The following USP10 variants were observed in gnomAD, a reference collection of about 807,000 sequenced individuals.
USP10 encodes the protein ubiquitin carboxyl-terminal hydrolase 10.
Under a neutral mutation model 84.5 loss-of-function variants are expected in USP10, and 22 were observed. The ratio of observed to expected loss-of-function variants is 0.26; its 90% CI spans 0.19 to 0.37. The LOEUF is 0.37. USP10 is among the 10% of genes least tolerant of loss of function. The pLI is 1.00. For missense variants in USP10, 1,019 were observed against 998.9 expected, an observed-to-expected ratio of 1.02 and a Z score of -0.27; for synonymous variants, 454 against 387.6, an observed-to-expected ratio of 1.17 and a Z score of -2.01.
chr16:84,767,513 C>T (rs1437189172), intron 10 of USP10, among the ~76,000 whole-genome samples: 1 of 152,066 alleles, frequency 6.6e-6, no homozygotes, highest in Non-Finnish European at 1.5e-5. Context: ...ATTAAAAATC[C>T]TCTATTTACC....
chr16:84,768,280 A>T lies in USP10; in HGVS notation c.1920A>T (p.Ile640=), dbSNP rs1914074122. The T allele has an allele frequency of 1.9e-6, 3 of 1,608,306 alleles. No homozygotes were observed. The highest frequency in any genetic ancestry group is 1.7e-6 in the Non-Finnish European group (2 of 1,177,142). ...TLQLDIQSDK[I]RTVQDALESL... Reference sequence around the variant, plus strand: ...AGTTGGATATCCAGTCAGACAAGATACGCACAGTCCAGGATGCACTGGAGA... The same window carrying T: ...AGTTGGATATCCAGTCAGACAAGATTCGCACAGTCCAGGATGCACTGGAGA... The change falls in exon 11 of 14, where the codon ATA becomes ATT. Residue 640 remains isoleucine, a synonymous_variant. Transcript: ENST00000219473.
intron 4 of USP10, among the ~76,000 whole-genome samples, chr16:84,755,292 G>A (rs774819012): frequency 1.3e-5 from 2 of 151,398 alleles, no homozygotes; most frequent in African/African-American, 2.4e-5. Flanking sequence ...CTTCCGTATC[G>A]TCAAGAAAAC....
At chr16:84,745,776 G>A (rs1911160504) in intron 4 of USP10, 103 bp downstream of exon 4, 4 of 1,220,180 alleles carry the variant, frequency 3.3e-6, no homozygotes, top group African/African-American at 1.5e-5. Context: ...GATTACCTGT[G>A]TGTTAATAGC....
intron 12 of USP10, 102 bp downstream of exon 12, chr16:84,772,787 T>C: frequency 1.4e-6 from 2 of 1,430,192 alleles, no homozygotes; most frequent in Non-Finnish European, 1.9e-6. Flanking sequence ...GTGAGGACAT[T>C]CTCTTGCTGG....
At chr16:84,747,686 C>T (rs1911405202) in intron 4 of USP10, among the ~76,000 whole-genome samples, 1 of 151,420 alleles carries the variant, frequency 6.6e-6, no homozygotes, top group African/African-American at 2.4e-5. Flanking sequence ...GCCTCGGCCT[C>T]CCAAGTAGCT....
At chr16:84,701,056 T>C (rs1453660238) in intron 1 of USP10, among the ~76,000 whole-genome samples, 1 of 152,218 alleles carries the variant, frequency 6.6e-6, no homozygotes, top group South Asian at 2.1e-4. Context: ...TGTGTATTTG[T>C]ATTAAATATG....
At chr16:84,727,657 T>C (rs1490585835) in intron 1 of USP10, among the ~76,000 whole-genome samples, 2 of 152,214 alleles carry the variant, frequency 1.3e-5, no homozygotes, top group East Asian at 3.8e-4. Flanking sequence ...TACACACTCA[T>C]ACGGATACAC....
At chr16:84,737,703 G>GCACTGT (rs1456461453) in intron 2 of USP10, among the ~76,000 whole-genome samples, 1 of 152,214 alleles carries the variant, frequency 6.6e-6, no homozygotes, top group Non-Finnish European at 1.5e-5. Context: ...TCACCTGCTG[G>GCACTGT]CACTGTCACC....
chr16:84,775,088 T>G, intron 12 of USP10, 72 bp from the exon 13 acceptor site: 1 of 1,328,518 alleles, frequency 7.5e-7, no homozygotes, highest in South Asian at 1.2e-5. Context: ...AGAATGTTGT[T>G]AGCCATTTTC....
At chr16:84,723,879 T>A (rs1381084984) in intron 1 of USP10, among the ~76,000 whole-genome samples, 1 of 152,220 alleles carries the variant, frequency 6.6e-6, no homozygotes, top group Non-Finnish European at 1.5e-5. Flanking sequence ...CCTTGCAGCC[T>A]CTTCTTTTGT....
intron 1 of USP10, among the ~76,000 whole-genome samples, chr16:84,717,226 A>T (rs951560205): frequency 6.6e-6 from 1 of 152,112 alleles, no homozygotes; most frequent in Admixed American, 6.5e-5. Context: ...AATCATACGC[A>T]GAAATGTGTG....
At chr16:84,771,521 C>T (rs1190973953) in intron 11 of USP10, among the ~76,000 whole-genome samples, 2 of 152,060 alleles carry the variant, frequency 1.3e-5, no homozygotes, top group African/African-American at 4.8e-5. Context: ...CAAAAAAACC[C>T]ACCTAATCCT....
At chr16:84,764,939 A>AAAAAAAAATATATATAT (rs370383030) in intron 10 of USP10, among the ~76,000 whole-genome samples, 1 of 132,256 alleles carries the variant, frequency 7.6e-6, no homozygotes, top group East Asian at 2.4e-4. Context: ...GAGAAAAAAA[A>AAAAAAAAATATATATAT]ATATATATAT....
rs189533036 is a variant in USP10, at chr16:84,763,950, C to A, written c.1655-136C>A. Reference sequence around the variant, plus strand: ...GGATCCAGTGACGTTGCTCCTGTTGCGATTGGTTGCCGTGGCTCCTAATGT... The same window carrying A: ...GGATCCAGTGACGTTGCTCCTGTTGAGATTGGTTGCCGTGGCTCCTAATGT... On this transcript the variant is annotated intron_variant, in intron 9 of 13. Transcript: ENST00000219473. 12 of 1,119,856 alleles carry A rather than the reference C, an allele frequency of 1.1e-5. No homozygotes were observed. In the Admixed American group the frequency reaches 3.5e-4, roughly 33 times the overall value. The allele number at this position is 1,119,856 out of a possible 1,614,324, so 69.4% of individuals were successfully genotyped here. A position where few individuals can be genotyped will look rare whatever the true frequency, so the allele number is the denominator to read the frequency against.
At chr16:84,737,288 A>C (rs1910062830) in intron 2 of USP10, among the ~76,000 whole-genome samples, 1 of 152,194 alleles carries the variant, frequency 6.6e-6, no homozygotes, top group Admixed American at 6.5e-5. Flanking sequence ...AATAGATGAC[A>C]GTTTTTTCCC....
At chr16:84,737,272 A>C (rs542710784) in intron 2 of USP10, among the ~76,000 whole-genome samples, 1 of 152,346 alleles carries the variant, frequency 6.6e-6, no homozygotes, top group South Asian at 2.1e-4. Context: ...GTTTAGCATA[A>C]CTATTAATAG....
chr16:84,718,623 G>A (rs961177578), intron 1 of USP10, among the ~76,000 whole-genome samples: 5 of 151,780 alleles, frequency 3.3e-5, no homozygotes, highest in Non-Finnish European at 7.4e-5. Flanking sequence ...CAGACATCGT[G>A]GCACATGCCT....
At chr16:84,722,161 T>C (rs989669953) in intron 1 of USP10, among the ~76,000 whole-genome samples, 20 of 152,214 alleles carry the variant, frequency 1.3e-4, no homozygotes, top group African/African-American at 4.8e-4. Flanking sequence ...GCTAAGAAAG[T>C]TTGCCTTTTC....
chr16:84,700,203 C>A (rs985050908), intron 1 of USP10, 92 bp downstream of exon 1: 3 of 1,050,448 alleles, frequency 2.9e-6, no homozygotes, highest in African/African-American at 1.7e-5. Flanking sequence ...CTGCCCGGAG[C>A]GAGCGTGTGG....
Sources: allele counts gnomAD v4.1 joint callset (sites outside exome capture counted in the v4.1 genomes callset), GRCh38; gene constraint gnomAD v4.1.1; transcripts MANE v1.5; gene names NCBI Gene and HGNC (gene_info 2026-07-23, HGNC 2026-07-21).